Variants in LMOD3 observed in about 807,000 individuals in gnomAD.
The protein encoded by LMOD3 is leiomodin 3.
LMOD3 carries 31 observed loss-of-function variants against 41.8 expected under a neutral mutation model. The ratio of observed to expected loss-of-function variants is 0.74; its 90% CI spans 0.56 to 1.00. LMOD3 has a LOEUF of 1.00. Ranked by LOEUF, LMOD3 falls within the 50% of genes least tolerant of loss-of-function variation. LMOD3 has a pLI of 0.00. For missense variants in LMOD3, 755 were observed against 679.5 expected, an observed-to-expected ratio of 1.11 and a Z score of -1.23; for synonymous variants, 292 against 241.9, an observed-to-expected ratio of 1.21 and a Z score of -1.92.
Position 69,119,614 on chromosome 3 carries a change from T to C in LMOD3, c.741A>G (p.Arg247=). 2 of 1,613,802 alleles carry C rather than the reference T, an allele frequency of 1.2e-6. No individual in the cohort carries two copies. The highest frequency in any genetic ancestry group is 1.7e-6 in the Non-Finnish European group (2 of 1,179,864). Residue 247 remains arginine (R), a synonymous_variant, in exon 2 of 3, where the codon AGA becomes AGG. Transcript: ENST00000420581. ...TCATGTCAGGATCATTTTTCCTAAC[T>C]CTCCTCAAGCTCCCATCCAGGTCTG... ...NQTDLDGSLR[R]VRKNDPDMKE...
chr3:69,120,002 T>C lies in LMOD3; in HGVS notation c.353A>G (p.Tyr118Cys). The C allele has an allele frequency of 1.2e-6, 2 of 1,605,770 alleles. No individual in the cohort carries two copies. Among genetic ancestry groups the C allele is most frequent in the South Asian group, 2.2e-5 (2 of 89,050 alleles). ...TTCATTATTGAGCTTTTCTTTTAAA[T>C]ACTGGGCCATATTTTTATTACGTTT... is the stretch of plus-strand genomic sequence containing the variant. ...IEKRNKNMAQYLKEKLNNEIV... is the reference protein window; with the variant it reads ...IEKRNKNMAQCLKEKLNNEIV... Residue 118 changes from tyrosine to cysteine, a missense_variant, in exon 2 of 3, where the codon TAT becomes TGT. Tyr to Cys is a radical substitution (Grantham distance 194). Transcript: ENST00000420581.
intron 2 of LMOD3, among the ~76,000 whole-genome samples, chr3:69,113,621 C>T (rs182570522): frequency 1.1e-4 from 16 of 152,312 alleles, no homozygotes; most frequent in Non-Finnish European, 2.1e-4. Context: ...ATGGCTTTAG[C>T]CAACTGGATG....
chr3:69,108,239 G>A lies in LMOD3; in HGVS notation c.*856C>T, dbSNP rs558226547. 2.6e-5 allele frequency: 3 copies of A among 114,674 alleles called. No individual in the cohort carries two copies. Among genetic ancestry groups the A allele is most frequent in the African/African-American group, 8.5e-5 (2 of 23,534 alleles). The allele number at this position is 114,674 out of a possible 1,614,324, so 7.1% of individuals were successfully genotyped here. A position where few individuals can be genotyped will look rare whatever the true frequency, so the allele number is the denominator to read the frequency against. ...ACTTACAGAGTAAACACATATGAGCGTGTGTGTGTGTGTGTGTATTTAGCC... is the reference window on the plus strand; with the variant it reads ...ACTTACAGAGTAAACACATATGAGCATGTGTGTGTGTGTGTGTATTTAGCC... On this transcript the variant is annotated 3_prime_UTR_variant, in exon 3 of 3. Coordinates refer to ENST00000420581, the MANE Select transcript of LMOD3 (RefSeq NM_198271.5).
At chr3:69,121,862 AT>A (rs1395822576) in intron 1 of LMOD3, among the ~76,000 whole-genome samples, 2 of 152,358 alleles carry the variant, frequency 1.3e-5, no homozygotes, top group South Asian at 2.1e-4. Flanking sequence ...CCCGACAGCA[AT>A]TTTTAAAAAG....
chr3:69,118,232 G>A (rs1216294146), intron 2 of LMOD3, among the ~76,000 whole-genome samples: 4 of 152,140 alleles, frequency 2.6e-5, no homozygotes, highest in African/African-American at 9.7e-5. Flanking sequence ...CACTTGAAGA[G>A]GTCAGAAGAA....
Position 69,119,748 on chromosome 3 carries a change from G to T in LMOD3, c.607C>A (p.Pro203Thr), listed in dbSNP as rs763429335. The T allele has an allele frequency of 7.4e-6, 12 of 1,613,736 alleles. No homozygotes were observed. Among genetic ancestry groups the T allele is most frequent in the Admixed American group, 1.7e-5 (1 of 59,996 alleles). Residue 203 changes from proline (P) to threonine (T), a missense_variant, in exon 2 of 3, where the codon CCA (proline) becomes ACA (threonine). Transcript: ENST00000420581. ...TTCTCACTTTGTTCTTGGGCCTCTG[G>T]TCTGTCTCTCTGTTCTTTGAATGCT... ...DKAFKEQRDR[P>T]EAQEQSEKKI...
At position 69,119,918 on chromosome 3, in the gene LMOD3, T is replaced by A; in HGVS notation, c.437A>T (p.Glu146Val). 6.4e-7 allele frequency: 1 copy of A among 1,553,614 alleles called. No homozygotes were observed. The highest frequency in any genetic ancestry group is 8.7e-7 in the Non-Finnish European group (1 of 1,145,712). Reference protein sequence around the residue: ...GSSNIQETDEEDEEEEDDDDD... With the variant: ...GSSNIQETDEVDEEEEDDDDD... ...ATCATCATCTTCTTCTTCTTCATCT[T>A]CTTCATCTGTTTCTTGGATATTGCT... is the stretch of plus-strand genomic sequence containing the variant. Residue 146 changes from glutamate to valine, a missense_variant, in exon 2 of 3, where the codon GAA becomes GTA. By Grantham distance (121) the Glu-to-Val change is moderately radical. Transcript: ENST00000420581.
Position 69,122,227 on chromosome 3 carries a change from G to C in LMOD3, c.160C>G (p.Gln54Glu), listed in dbSNP as rs780274932. 4 of 1,613,530 alleles carry C rather than the reference G, an allele frequency of 2.5e-6. No homozygotes were observed. The highest frequency in any genetic ancestry group is 2.2e-5 in the South Asian group (2 of 90,986). The part of the protein sequence containing the change: ...PDPSLPVGMI[Q>E]KDQTDKPPTG... ...GGTGGCTTGTCAGTTTGATCTTTCTGAATCATTCCCACGGGAAGGCTGGGG... is the reference window on the plus strand; with the variant it reads ...GGTGGCTTGTCAGTTTGATCTTTCTCAATCATTCCCACGGGAAGGCTGGGG... The change falls in exon 1 of 3, where the codon CAG (glutamine) becomes GAG (glutamate). Residue 54 changes from glutamine (Q) to glutamate (E), a missense_variant. Physicochemically the swap from Gln to Glu is conservative, Grantham distance 29. Coordinates refer to ENST00000420581, the MANE Select transcript of LMOD3 (RefSeq NM_198271.5).
In LMOD3 at chr3:69,107,453, G is replaced by GATTTTTTTTTT. The variant is rs2092327711; in HGVS notation, c.*1641_*1642insAAAAAAAAAAT. The GATTTTTTTTTT allele has an allele frequency of 2.7e-5, 1 of 37,356 alleles. No individual in the cohort carries two copies. Among genetic ancestry groups the GATTTTTTTTTT allele is most frequent in the Non-Finnish European group, 5.6e-5 (1 of 17,720 alleles). The allele number at this position is 37,356 out of a possible 1,614,324, so 2.3% of individuals were successfully genotyped here. A position where few individuals can be genotyped will look rare whatever the true frequency, so the allele number is the denominator to read the frequency against. On this transcript the variant is annotated 3_prime_UTR_variant, in exon 3 of 3. Transcript: ENST00000420581. ...AAAGAAGAGAGAAAAGGCACCAAAG[G>GATTTTTTTTTT]TTTTTTTTTTTTTTTTTTTTTTTTT...
At chr3:69,121,655 G>T (rs1367319042) in intron 1 of LMOD3, among the ~76,000 whole-genome samples, 1 of 152,178 alleles carries the variant, frequency 6.6e-6, no homozygotes, top group East Asian at 1.9e-4. Flanking sequence ...CAGGAGGACT[G>T]AAATGTTTGA....
At chr3:69,120,852 T>A (rs935452423) in intron 1 of LMOD3, among the ~76,000 whole-genome samples, 1 of 152,158 alleles carries the variant, frequency 6.6e-6, no homozygotes, top group Admixed American at 6.5e-5. Context: ...ATGGGCCTTT[T>A]ATCAATAATA....
In LMOD3 at chr3:69,116,035, C is replaced by A. The variant is rs140031705; in HGVS notation, c.1656+2664G>T. ...AATGTGGTAAAGTGAGACGGGTATG[C>A]AAGAATTCTTTGTACTACTTTTGAC... On this transcript the variant is annotated intron_variant, in intron 2 of 2. Transcript: ENST00000420581. 3.2e-3 allele frequency among the ~76,000 whole-genome samples: 489 copies of A among 152,238 alleles called. 2 individuals are homozygous for A. Among genetic ancestry groups the A allele is most frequent in the African/African-American group, 0.011 (469 of 41,530 alleles).
rs976334624 is a variant in LMOD3 at position 69,106,373 on chromosome 3, G to A, written c.*2722C>T. 2.6e-5 allele frequency among the ~76,000 whole-genome samples: 4 copies of A among 152,056 alleles called. No individual in the cohort carries two copies. The highest frequency in any genetic ancestry group is 7.2e-5 in the African/African-American group (3 of 41,404). On this transcript the variant is annotated 3_prime_UTR_variant, in exon 3 of 3. Transcript: ENST00000420581. Reference sequence around the variant, plus strand: ...GAAACTAATAAAAAAAAAGATACCTGTAATTACTAATGGCCAGTAGTCAAT... The same window carrying A: ...GAAACTAATAAAAAAAAAGATACCTATAATTACTAATGGCCAGTAGTCAAT...
Position 69,122,114 on chromosome 3 carries a change from A to G in LMOD3, c.273T>C (p.Pro91=). 1 of 1,612,066 alleles carries G rather than the reference A, an allele frequency of 6.2e-7. No homozygotes were observed. Among genetic ancestry groups the G allele is most frequent in the Non-Finnish European group, 8.5e-7 (1 of 1,178,962 alleles). The change falls in exon 1 of 3, where the codon CCT becomes CCC. Residue 91 remains proline, a synonymous_variant. Coordinates refer to ENST00000420581, the MANE Select transcript of LMOD3 (RefSeq NM_198271.5). ...TTACCTCGGATTTCACAAAGGTGAC[A>G]GGAACTCGTTCCTCTTCCAGCATGC... is the stretch of plus-strand genomic sequence containing the variant. ...SRRMLEEERV[P]VTFVKSEEKT...
intron 2 of LMOD3, among the ~76,000 whole-genome samples, chr3:69,117,805 T>C (rs2092382505): frequency 6.6e-6 from 1 of 151,632 alleles, no homozygotes. Context: ...CATTCCATTA[T>C]CTACAAACAA....
At chr3:69,121,785 C>A (rs1264319862) in intron 1 of LMOD3, among the ~76,000 whole-genome samples, 2 of 152,144 alleles carry the variant, frequency 1.3e-5, no homozygotes, top group Non-Finnish European at 2.9e-5. Flanking sequence ...AGGACAACTG[C>A]CTCTGGGTTA....
At chr3:69,110,853 A>AAAAAAAAAAAAAAT (rs1458630453) in intron 2 of LMOD3, among the ~76,000 whole-genome samples, 5 of 104,124 alleles carry the variant, frequency 4.8e-5, no homozygotes, top group African/African-American at 1.9e-4. Context: ...AAAAAAAAAA[A>AAAAAAAAAAAAAAT]ATATATATAT....
intron 1 of LMOD3, 54 bp downstream of exon 1, chr3:69,122,039 C>A: frequency 3.4e-6 from 5 of 1,452,000 alleles, no homozygotes; most frequent in African/African-American, 1.4e-5. Flanking sequence ...ACAGAGAGAC[C>A]TAACAGCCCA....
rs1191390263 is a variant in LMOD3, at chr3:69,107,722, C to T, written c.*1373G>A. The T allele has an allele frequency of 6.6e-6, 1 of 151,836 alleles. No homozygotes were observed. The highest frequency in any genetic ancestry group is 2.4e-5 in the African/African-American group (1 of 41,290). The allele number at this position is 151,836 out of a possible 1,614,324, so 9.4% of individuals were successfully genotyped here. A position where few individuals can be genotyped will look rare whatever the true frequency, so the allele number is the denominator to read the frequency against. The stretch of plus-strand genomic sequence containing the variant: ...GAACTCCTGACCTCTGGAGATCCTC[C>T]CTCCCTGGCCTCCCATAGTGCTGGG... On this transcript the variant is annotated 3_prime_UTR_variant, in exon 3 of 3. Transcript: ENST00000420581.
Sources: allele counts gnomAD v4.1 joint callset (sites outside exome capture counted in the v4.1 genomes callset), GRCh38; gene constraint gnomAD v4.1.1; transcripts MANE v1.5; gene names NCBI Gene and HGNC (gene_info 2026-07-23, HGNC 2026-07-21).